The following LRP1B variants were observed in gnomAD, a reference collection of about 807,000 sequenced individuals.
LRP1B encodes low-density lipoprotein receptor-related protein 1B.
A neutral mutation model predicts 556.6 loss-of-function variants in LRP1B; 217 were observed. That is an observed-to-expected ratio of 0.39 (90% CI 0.35 to 0.44). The LOEUF (loss-of-function observed/expected upper bound fraction) is 0.44, where lower values mean the gene tolerates loss of function less well. Among genes scored for constraint, LRP1B ranks in the 20% least tolerant of loss-of-function variants. The pLI is 1.00. For synonymous variants in LRP1B, 2,047 were observed against 1,865.8 expected, an observed-to-expected ratio of 1.10 and a Z score of -2.50; for missense variants, 5,053 against 5,620.8, an observed-to-expected ratio of 0.90 and a Z score of 3.23.
At chr2:141,163,576 T>C (rs1184852199) in intron 7 of LRP1B, among the ~76,000 whole-genome samples, 1 of 152,052 alleles carries the variant, frequency 6.6e-6, no homozygotes, top group Non-Finnish European at 1.5e-5. Flanking sequence ...TCCCATGTGT[T>C]GTGGGAGGGA....
chr2:141,390,774 G>C lies in LRP1B; in HGVS notation c.343+89622C>G, dbSNP rs556700185. On this transcript the variant is annotated intron_variant, in intron 3 of 90. Transcript: ENST00000389484. ...GTGGACTGGTAGTTTTTAGGGGCTGGAGTGAGGGGAGAATGAAGAACAAGT... is the reference window on the plus strand; with the variant it reads ...GTGGACTGGTAGTTTTTAGGGGCTGCAGTGAGGGGAGAATGAAGAACAAGT... Among the ~76,000 whole-genome samples the C allele has an allele frequency of 3.9e-5, 6 of 152,344 alleles. No individual in the cohort carries two copies. The East Asian group carries it at 1.2e-3, about 29-fold the overall frequency.
Position 141,244,350 on chromosome 2 carries a change from G to C in LRP1B, c.592+2876C>G, listed in dbSNP as rs118130708. 4.7e-3 allele frequency among the ~76,000 whole-genome samples: 721 copies of C among 152,178 alleles called. 15 individuals are homozygous for C. The highest frequency in any genetic ancestry group is 0.028 in the Admixed American group (434 of 15,264). On this transcript the variant is annotated intron_variant, in intron 5 of 90. Transcript: ENST00000389484. Reference sequence around the variant, plus strand: ...TCCATTGTCTTGGGCTAGGCCATTCGGGCCTTCCCTTGTTTTCCACACTAC... The same window carrying C: ...TCCATTGTCTTGGGCTAGGCCATTCCGGCCTTCCCTTGTTTTCCACACTAC...
intron 2 of LRP1B, among the ~76,000 whole-genome samples, chr2:141,757,942 G>T (rs1307754690): frequency 1.3e-5 from 2 of 152,146 alleles, no homozygotes; most frequent in Non-Finnish European, 2.9e-5. Flanking sequence ...TAACAATGGT[G>T]AATGCAAAAA....
At chr2:140,768,094 C>A (rs920669202) in intron 35 of LRP1B, among the ~76,000 whole-genome samples, 7 of 151,838 alleles carry the variant, frequency 4.6e-5, no homozygotes, top group Admixed American at 4.6e-4. Flanking sequence ...TGTTATACTT[C>A]TTTGTATTTC....
At chr2:140,268,481 A>C (rs1299421258) in intron 86 of LRP1B, among the ~76,000 whole-genome samples, 1 of 152,018 alleles carries the variant, frequency 6.6e-6, no homozygotes, top group East Asian at 1.9e-4. Flanking sequence ...ATTTTAATAC[A>C]ACTGTGCTTT....
Position 140,885,763 on chromosome 2 carries a change from AT to A in LRP1B, c.3964+374del, listed in dbSNP as rs376206833. ...TAGTCATCTTTGTAATACTTTCTTCATTTTTTTGAATTATGTTGAAAGATGG... is the reference window on the plus strand; with the variant it reads ...TAGTCATCTTTGTAATACTTTCTTCATTTTTTGAATTATGTTGAAAGATGG... On this transcript the variant is annotated intron_variant, in intron 24 of 90. Coordinates refer to ENST00000389484, the MANE Select transcript of LRP1B (RefSeq NM_018557.3). 3.9e-3 allele frequency among the ~76,000 whole-genome samples: 592 copies of A among 150,278 alleles called. 4 individuals carry two copies. Among genetic ancestry groups the A allele is most frequent in the African/African-American group, 0.013 (531 of 40,828 alleles).
At chr2:142,105,320 A>G (rs955381976) in intron 1 of LRP1B, among the ~76,000 whole-genome samples, 13 of 152,190 alleles carry the variant, frequency 8.5e-5, no homozygotes, top group Non-Finnish European at 7.3e-5. Flanking sequence ...TGGATTGGAC[A>G]TCCTAGTTCT....
In LRP1B at chr2:140,510,584, T is replaced by C. The variant is rs182200033; in HGVS notation, c.8270-528A>G. ...GTCACAAGTTGCACGCAATTTTGCA[T>C]GCTCAACTGGGAGTCCTCTGGATCC... On this transcript the variant is annotated intron_variant, in intron 51 of 90. Coordinates refer to ENST00000389484, the MANE Select transcript of LRP1B (RefSeq NM_018557.3). 6.1e-4 allele frequency among the ~76,000 whole-genome samples: 93 copies of C among 152,332 alleles called. 1 individual carries two copies. The highest frequency in any genetic ancestry group is 1.4e-3 in the Admixed American group (21 of 15,306).
intron 2 of LRP1B, among the ~76,000 whole-genome samples, chr2:141,543,223 AC>A (rs1309714137): frequency 6.6e-6 from 1 of 152,040 alleles, no homozygotes; most frequent in Non-Finnish European, 1.5e-5. Flanking sequence ...TAAATATTAT[AC>A]AAGGCCAATC....
intron 66 of LRP1B, among the ~76,000 whole-genome samples, chr2:140,426,424 T>C (rs1421693242): frequency 6.6e-6 from 1 of 152,196 alleles, no homozygotes; most frequent in African/African-American, 2.4e-5. Flanking sequence ...TAAGCCATCA[T>C]ATCCCCTGTG....
intron 2 of LRP1B, among the ~76,000 whole-genome samples, chr2:141,790,937 A>C (rs1334362812): frequency 6.6e-6 from 1 of 152,060 alleles, no homozygotes; most frequent in Non-Finnish European, 1.5e-5. Flanking sequence ...TAGATGTTAA[A>C]GTTAAAAAGA....
chr2:140,460,986 C>A (rs1687291048), intron 60 of LRP1B, among the ~76,000 whole-genome samples: 1 of 151,078 alleles, frequency 6.6e-6, no homozygotes, highest in Non-Finnish European at 1.5e-5. Flanking sequence ...TCGCTTGAAC[C>A]CGGGAGGTGG....
chr2:140,471,027 G>A (rs1287121930), intron 60 of LRP1B, among the ~76,000 whole-genome samples: 2 of 152,278 alleles, frequency 1.3e-5, no homozygotes, highest in East Asian at 3.9e-4. Flanking sequence ...CAGTTTGGGA[G>A]TTGTAAGGAA....
intron 1 of LRP1B, among the ~76,000 whole-genome samples, chr2:142,095,736 C>T (rs1399582324): frequency 6.6e-6 from 1 of 151,580 alleles, no homozygotes; most frequent in Non-Finnish European, 1.5e-5. Context: ...TTAGTTAATG[C>T]TAACATTTAA....
rs1465221220 is a variant in LRP1B at position 140,923,077 on chromosome 2, A to G, written c.3207T>C (p.Asp1069=). Residue 1069 remains aspartate (D), a synonymous_variant, in exon 21 of 91, where the codon GAT becomes GAC. Transcript: ENST00000389484. ...QCHPDGNCVP[D]LWRCDGEKDC... is the part of the protein sequence containing the mutation. ...CTTTTTCTCCATCACAGCGCCACAA[A>G]TCAGGAACGCAATTACCATCAGGGT... is the stretch of plus-strand genomic sequence containing the variant. 16 of 1,613,058 alleles carry G rather than the reference A, an allele frequency of 9.9e-6. No homozygotes were observed. The highest frequency in any genetic ancestry group is 1.7e-5 in the Admixed American group (1 of 59,860).
At chr2:140,755,549 T>C (rs1688716245) in intron 35 of LRP1B, among the ~76,000 whole-genome samples, 1 of 151,794 alleles carries the variant, frequency 6.6e-6, no homozygotes, top group Admixed American at 6.6e-5. Flanking sequence ...TTACACCGTA[T>C]CAACAGAATA....
intron 20 of LRP1B, among the ~76,000 whole-genome samples, chr2:140,938,532 T>C (rs922274499): frequency 6.6e-6 from 1 of 152,048 alleles, no homozygotes; most frequent in South Asian, 2.1e-4. Flanking sequence ...TAGCAGTTAC[T>C]GGGGGTTCAT....
At chr2:141,411,346 C>T (rs1458163707) in intron 3 of LRP1B, among the ~76,000 whole-genome samples, 2 of 151,974 alleles carry the variant, frequency 1.3e-5, no homozygotes, top group African/African-American at 4.8e-5. Flanking sequence ...GTAAATACCT[C>T]CAATGTTTGT....
intron 20 of LRP1B, among the ~76,000 whole-genome samples, chr2:140,926,865 T>C (rs753984278): frequency 2.0e-5 from 3 of 152,176 alleles, no homozygotes; most frequent in Non-Finnish European, 4.4e-5. Flanking sequence ...CTCACATTTC[T>C]CTGAGTGTTT....
Sources: allele counts gnomAD v4.1 joint callset (sites outside exome capture counted in the v4.1 genomes callset), GRCh38; gene constraint gnomAD v4.1.1; transcripts MANE v1.5; gene names NCBI Gene and HGNC (gene_info 2026-07-23, HGNC 2026-07-21).